OGDH: variants seen among roughly 807,000 people sequenced by gnomAD.
OGDH encodes 2-oxoglutarate dehydrogenase complex component E1.
In OGDH, 38 loss-of-function variants were observed where a neutral mutation model predicts 116.6. The ratio of observed to expected loss-of-function variants is 0.33; its 90% CI spans 0.25 to 0.43. The LOEUF is 0.43. Ranked by LOEUF, OGDH falls within the 20% of genes least tolerant of loss-of-function variation. The pLI, the probability that OGDH is intolerant of heterozygous loss-of-function variation, is 1.00. For missense variants in OGDH, 825 were observed against 1,357.2 expected (o/e 0.61, Z 6.16); for synonymous variants, 488 against 533.3 (o/e 0.92, Z 1.17).
intron 4 of OGDH, among the ~76,000 whole-genome samples, chr7:44,649,990 C>T (rs1293104976): frequency 6.6e-6 from 1 of 152,142 alleles, no homozygotes; most frequent in Non-Finnish European, 1.5e-5. Flanking sequence ...GGCCCTAAAG[C>T]TTCCTGAAAT....
intron 2 of OGDH, among the ~76,000 whole-genome samples, chr7:44,640,540 G>C (rs1036043947): frequency 2.0e-5 from 3 of 152,138 alleles, no homozygotes; most frequent in Non-Finnish European, 4.4e-5. Context: ...TTTTGGCTCT[G>C]GATCCAAAAG....
At chr7:44,699,969 C>T (rs889325264) in intron 18 of OGDH, among the ~76,000 whole-genome samples, 172 bp from the exon 19 acceptor site, 3 of 152,176 alleles carry the variant, frequency 2.0e-5, no homozygotes. Context: ...ATGGCCCAAG[C>T]TCTAATCCTA....
intron 4 of OGDH, among the ~76,000 whole-genome samples, chr7:44,657,742 T>C (rs1319678595): frequency 2.6e-5 from 4 of 152,242 alleles, no homozygotes; most frequent in African/African-American, 9.6e-5. Flanking sequence ...TATACATTTT[T>C]CTAAAGGTTT....
intron 19 of OGDH, among the ~76,000 whole-genome samples, chr7:44,701,060 G>A (rs995371098): frequency 7.2e-5 from 11 of 152,176 alleles, no homozygotes; most frequent in African/African-American, 2.2e-4. Context: ...GGGGGACAGC[G>A]AGGGAGTGCC....
intron 2 of OGDH, among the ~76,000 whole-genome samples, chr7:44,636,184 C>G (rs1414945517): frequency 1.3e-5 from 2 of 152,258 alleles, no homozygotes; most frequent in Non-Finnish European, 2.9e-5. Context: ...GTCAGTCCTA[C>G]TGGTCTGTGA....
chr7:44,682,393 AAAAAG>A (rs1342319650), intron 10 of OGDH, among the ~76,000 whole-genome samples: 1 of 151,814 alleles, frequency 6.6e-6, no homozygotes, highest in Admixed American at 6.6e-5. Context: ...TTCAAAAAAA[AAAAAG>A]AAAAGAAAAA....
chr7:44,681,837 G>A lies in OGDH; in HGVS notation c.1324G>A (p.Val442Ile). ...AACTCATGGCACCGTGCACGTGGTCGTCAACAACCAGGTACCTCACACCAG... is the reference window on the plus strand; with the variant it reads ...AACTCATGGCACCGTGCACGTGGTCATCAACAACCAGGTACCTCACACCAG... ...YTTHGTVHVV[V>I]NNQIGFTTDP... is the part of the protein sequence containing the mutation. Residue 442 changes from valine to isoleucine, a missense_variant, in exon 10 of 23, where the codon GTC becomes ATC. Physicochemically the swap from Val to Ile is conservative, Grantham distance 29. This residue lies in a region of OGDH where 146 missense variants were observed against 317.3 expected (regional missense o/e 0.46). Coordinates refer to ENST00000222673, the MANE Select transcript of OGDH (RefSeq NM_002541.4). The A allele has an allele frequency of 3.1e-6, 5 of 1,614,114 alleles. No individual in the cohort carries two copies. The highest frequency in any genetic ancestry group is 4.2e-6 in the Non-Finnish European group (5 of 1,180,008).
At chr7:44,608,140 C>A (rs959643710) in intron 1 of OGDH, among the ~76,000 whole-genome samples, 1 of 152,150 alleles carries the variant, frequency 6.6e-6, no homozygotes, top group African/African-American at 2.4e-5. Flanking sequence ...TGGTGGCTCA[C>A]GTTTGTAATC....
chr7:44,702,583 T>G (rs1159166626), intron 20 of OGDH, among the ~76,000 whole-genome samples: 3 of 151,466 alleles, frequency 2.0e-5, no homozygotes, highest in East Asian at 3.9e-4. Flanking sequence ...ATTTTTAATT[T>G]TATTTATTTA....
At chr7:44,657,692 A>G (rs1786753011) in intron 4 of OGDH, among the ~76,000 whole-genome samples, 2 of 152,206 alleles carry the variant, frequency 1.3e-5, no homozygotes, top group Non-Finnish European at 2.9e-5. Context: ...ATGAAGTCTA[A>G]GAACTCTTTC....
chr7:44,686,854 A>G (rs1281589125), intron 10 of OGDH, among the ~76,000 whole-genome samples: 2 of 150,450 alleles, frequency 1.3e-5, no homozygotes, highest in Non-Finnish European at 3.0e-5. Context: ...CACCCAGCTA[A>G]TTTTTGTATT....
At chr7:44,706,796 AT>A in intron 20 of OGDH, among the ~76,000 whole-genome samples, 2 of 141,602 alleles carry the variant, frequency 1.4e-5, no homozygotes, top group East Asian at 2.1e-4. Flanking sequence ...CATTTTTTGT[AT>A]TTTTTTAGTA....
chr7:44,653,967 G>C (rs952314066), intron 4 of OGDH, among the ~76,000 whole-genome samples: 6 of 152,070 alleles, frequency 3.9e-5, no homozygotes, highest in Admixed American at 3.3e-4. Flanking sequence ...CAATCCTCCT[G>C]CTTCAGCCTC....
chr7:44,707,240 G>A lies in OGDH; in HGVS notation c.2648G>A (p.Arg883Gln), dbSNP rs764262872. 7 of 1,614,180 alleles carry A rather than the reference G, an allele frequency of 4.3e-6. No homozygotes were observed. The highest frequency in any genetic ancestry group is 5.9e-6 in the Non-Finnish European group (7 of 1,180,026). The change falls in exon 21 of 23, where the codon CGG becomes CAG. Residue 883 changes from arginine to glutamine, a missense_variant. Physicochemically the swap from Arg to Gln is conservative, Grantham distance 43. Transcript: ENST00000222673. This position sits in a 1 kb window ranked among gnomAD's most constrained non-coding sequence, Gnocchi z 5.2. Reference protein sequence around the residue: ...DEMLPGTHFQRVIPEDGPAAQ... With the variant: ...DEMLPGTHFQQVIPEDGPAAQ... ...TCTCTTGTAGGAACCCACTTCCAGC[G>A]GGTGATCCCAGAAGATGGCCCTGCA...
At chr7:44,625,027 T>C (rs1785149414) in intron 2 of OGDH, among the ~76,000 whole-genome samples, 1 of 152,258 alleles carries the variant, frequency 6.6e-6, no homozygotes, top group African/African-American at 2.4e-5. Flanking sequence ...TGTTTGTTTC[T>C]AACTTCTCTG....
At chr7:44,648,387 C>T (rs1786285120) in intron 4 of OGDH, among the ~76,000 whole-genome samples, 1 of 152,218 alleles carries the variant, frequency 6.6e-6, no homozygotes, top group African/African-American at 2.4e-5. Flanking sequence ...GTCCCACCTA[C>T]ACCCCCTCCT....
At chr7:44,705,162 C>T (rs983215106) in intron 20 of OGDH, among the ~76,000 whole-genome samples, 63 of 143,320 alleles carry the variant, frequency 4.4e-4, no homozygotes, top group African/African-American at 1.6e-3. Context: ...ACGCCATTCT[C>T]CTGCCTCAGC....
intron 2 of OGDH, among the ~76,000 whole-genome samples, chr7:44,626,564 A>C (rs1315653699): frequency 6.6e-6 from 1 of 152,150 alleles, no homozygotes; most frequent in Admixed American, 6.5e-5. Flanking sequence ...AAAGGTAAAG[A>C]GCACCTGGCT....
intron 5 of OGDH, among the ~76,000 whole-genome samples, chr7:44,669,906 G>C (rs1230349691): frequency 1.3e-5 from 2 of 152,214 alleles, no homozygotes; most frequent in Non-Finnish European, 2.9e-5. Context: ...GTGTATGTTA[G>C]ATTGGTGATA....
Sources: allele counts gnomAD v4.1 joint callset (sites outside exome capture counted in the v4.1 genomes callset), GRCh38; gene constraint gnomAD v4.1.1; regional missense constraint gnomAD v4.1.1; non-coding constraint Gnocchi (gnomAD v3.1); transcripts MANE v1.5; gene names NCBI Gene and HGNC (gene_info 2026-07-23, HGNC 2026-07-21).